The following PHTF2 variants were observed in gnomAD, a reference collection of about 807,000 sequenced individuals.
The protein encoded by PHTF2 is protein PHTF2.
PHTF2 carries 60 observed loss-of-function variants against 101.2 expected under a neutral mutation model. That is an observed-to-expected ratio of 0.59 (90% CI 0.48 to 0.73). The LOEUF (loss-of-function observed/expected upper bound fraction) is 0.73, where lower values mean the gene tolerates loss of function less well. Ranked by LOEUF, PHTF2 falls within the 30% of genes least tolerant of loss-of-function variation. PHTF2 has a pLI of 0.00. For synonymous variants in PHTF2, 311 were observed against 307.3 expected (o/e 1.01, Z -0.13); for missense variants, 747 against 908.7 (o/e 0.82, Z 2.29).
rs750475197 is a variant in PHTF2, at chr7:77,900,781, G to A, written c.286+1G>A. The A allele has an allele frequency of 2.7e-6, 4 of 1,475,846 alleles. No homozygotes were observed. Among genetic ancestry groups the A allele is most frequent in the Non-Finnish European group, 9.5e-7 (1 of 1,054,592 alleles). The allele number at this position is 1,475,846 out of a possible 1,614,324, so 91.4% of individuals were successfully genotyped here. A position where few individuals can be genotyped will look rare whatever the true frequency, so the allele number is the denominator to read the frequency against. On this transcript the variant is annotated splice_donor_variant, in intron 6 of 19. Coordinates refer to ENST00000416283, the Ensembl canonical transcript of PHTF2. LOFTEE classifies it high-confidence loss of function. ...CTCATAGATGTTGATCTTGTAAGAG[G>A]TGAGTCTGATAAATAAATGCTTAAT... is the stretch of plus-strand genomic sequence containing the variant.
intron 1 of PHTF2, among the ~76,000 whole-genome samples, chr7:77,817,329 G>T (rs1027901875): frequency 6.6e-6 from 1 of 151,944 alleles, no homozygotes; most frequent in South Asian, 2.1e-4. Context: ...GTATTAGTTC[G>T]TTCTCACGCT....
exon 20 of PHTF2, chr7:77,954,860 A>G (rs1213546871): frequency 6.6e-7 from 1 of 1,506,012 alleles, no homozygotes; most frequent in Non-Finnish European, 9.1e-7. Context: ...TTTTCTAGCT[A>G]TGGAAGATTA....
chr7:77,903,597 A>C (rs1310610562), intron 7 of PHTF2, among the ~76,000 whole-genome samples: 1 of 152,240 alleles, frequency 6.6e-6, no homozygotes. Flanking sequence ...TAGATTGGGC[A>C]TTAAATGAGA....
chr7:77,814,324 G>A (rs1440114838), intron 1 of PHTF2, among the ~76,000 whole-genome samples: 6 of 152,098 alleles, frequency 3.9e-5, no homozygotes, highest in Non-Finnish European at 8.8e-5. Flanking sequence ...TGTTTCATAT[G>A]TGTTTCTATT....
At chr7:77,818,861 T>C (rs118137954) in intron 1 of PHTF2, among the ~76,000 whole-genome samples, 3,358 of 152,344 alleles carry the variant, frequency 0.022, 51 homozygotes, top group Middle Eastern at 0.065. Flanking sequence ...AATAATATTC[T>C]TCTGATCCAT....
In PHTF2 at chr7:77,922,795, T is replaced by A; in HGVS notation, c.1119+17T>A. 1 of 1,510,236 alleles carries A rather than the reference T, an allele frequency of 6.6e-7. No homozygotes were observed. Among genetic ancestry groups the A allele is most frequent in the Non-Finnish European group, 9.1e-7 (1 of 1,099,976 alleles). 93.6% of individuals were successfully genotyped at this position (1,510,236 alleles called of 1,614,324 possible). A position where few individuals can be genotyped will look rare whatever the true frequency, so the allele number is the denominator to read the frequency against. On this transcript the variant is annotated intron_variant, in intron 11 of 19. Transcript: ENST00000416283. ...CCTAATGAGGTATATACTTTGTCCT[T>A]AAGTGTATACATACGTATCTATTTT... is the stretch of plus-strand genomic sequence containing the variant.
At chr7:77,950,407 T>C (rs1806437748) in intron 17 of PHTF2, among the ~76,000 whole-genome samples, 2 of 152,046 alleles carry the variant, frequency 1.3e-5, no homozygotes, top group African/African-American at 4.8e-5. Flanking sequence ...ATACCTGTAA[T>C]CTCAGCACTT....
chr7:77,851,185 A>G (rs946851942), intron 2 of PHTF2, among the ~76,000 whole-genome samples: 1 of 152,140 alleles, frequency 6.6e-6, no homozygotes, highest in Non-Finnish European at 1.5e-5. Flanking sequence ...AAGGATTGGT[A>G]TTAGTTCTTT....
At chr7:77,893,201 A>G (rs1186795560) in intron 3 of PHTF2, among the ~76,000 whole-genome samples, 4 of 152,198 alleles carry the variant, frequency 2.6e-5, no homozygotes, top group Non-Finnish European at 4.4e-5. Context: ...TCACCTGGGT[A>G]CTAAGCATAG....
At chr7:77,873,706 A>G (rs1450949538) in intron 3 of PHTF2, among the ~76,000 whole-genome samples, 1 of 152,122 alleles carries the variant, frequency 6.6e-6, no homozygotes, top group African/African-American at 2.4e-5. Context: ...TCCTTCTGGC[A>G]AAAAAAGATT....
chr7:77,844,817 A>G (rs1380940474), intron 2 of PHTF2, among the ~76,000 whole-genome samples: 2 of 152,194 alleles, frequency 1.3e-5, no homozygotes, highest in East Asian at 3.9e-4. Context: ...GAGCCATTGC[A>G]CCCGGCCTAA....
At chr7:77,950,181 T>C (rs1197341359) in intron 17 of PHTF2, among the ~76,000 whole-genome samples, 1 of 152,188 alleles carries the variant, frequency 6.6e-6, no homozygotes, top group African/African-American at 2.4e-5. Context: ...TAAAGTATAA[T>C]TGGTTAATTT....
rs1426890411 is a variant in PHTF2 at position 77,854,850 on chromosome 7, C to T, written c.147+16C>T. 6.6e-6 allele frequency: 5 copies of T among 754,990 alleles called. No homozygotes were observed. In the East Asian group the frequency reaches 1.2e-4, roughly 18 times the overall value. The allele number at this position is 754,990 out of a possible 1,614,324, so 46.8% of individuals were successfully genotyped here. Reference sequence around the variant, plus strand: ...TCAGTGTTTGGTGAGTAATGCCAGGCCTGTTCTCTCTGTTCAGGGCAGCAG... The same window carrying T: ...TCAGTGTTTGGTGAGTAATGCCAGGTCTGTTCTCTCTGTTCAGGGCAGCAG... On this transcript the variant is annotated intron_variant, in intron 3 of 19. Coordinates refer to ENST00000416283, the Ensembl canonical transcript of PHTF2.
At chr7:77,832,790 T>C (rs980148216) in intron 1 of PHTF2, among the ~76,000 whole-genome samples, 1 of 151,978 alleles carries the variant, frequency 6.6e-6, no homozygotes, top group Non-Finnish European at 1.5e-5. Flanking sequence ...TGGTGAGTTG[T>C]ATAATTATTT....
chr7:77,814,383 C>T (rs969889158), intron 1 of PHTF2, among the ~76,000 whole-genome samples: 5 of 152,130 alleles, frequency 3.3e-5, no homozygotes, highest in African/African-American at 1.2e-4. Context: ...ACATTGAACT[C>T]ACAACCAACA....
At chr7:77,830,991 A>C (rs1302130624) in intron 1 of PHTF2, among the ~76,000 whole-genome samples, 2 of 152,254 alleles carry the variant, frequency 1.3e-5, no homozygotes, top group African/African-American at 4.8e-5. Flanking sequence ...GGAAGACCCA[A>C]TGATGAGACA....
At chr7:77,943,746 A>G (rs1430840990) in intron 16 of PHTF2, among the ~76,000 whole-genome samples, 1 of 152,192 alleles carries the variant, frequency 6.6e-6, no homozygotes, top group African/African-American at 2.4e-5. Context: ...GGCCGGGCAC[A>G]GTGGCTCACA....
chr7:77,919,172 C>T (rs564393219), intron 9 of PHTF2, among the ~76,000 whole-genome samples: 52 of 152,272 alleles, frequency 3.4e-4, no homozygotes, highest in Middle Eastern at 3.4e-3. Flanking sequence ...ACTGGTTCTT[C>T]GTCCTTGTTT....
chr7:77,802,400 C>A (rs1414475179), intron 1 of PHTF2, among the ~76,000 whole-genome samples: 1 of 152,148 alleles, frequency 6.6e-6, no homozygotes, highest in Non-Finnish European at 1.5e-5. Flanking sequence ...AATTAAGACT[C>A]AAAGAAGAAT....
Sources: allele counts gnomAD v4.1 joint callset (sites outside exome capture counted in the v4.1 genomes callset), GRCh38; gene constraint gnomAD v4.1.1; transcripts MANE v1.5; gene names NCBI Gene and HGNC (gene_info 2026-07-23, HGNC 2026-07-21).